ECM1: variants seen among roughly 807,000 people sequenced by gnomAD.
The protein encoded by ECM1 is extracellular matrix protein 1, also known as secretory component p85.
A neutral mutation model predicts 57.9 loss-of-function variants in ECM1; 54 were observed. The observed-to-expected ratio is 0.93, with a 90% CI of 0.75 to 1.17. The LOEUF (loss-of-function observed/expected upper bound fraction) is 1.17, where lower values mean the gene tolerates loss of function less well. ECM1 is among the 50% of genes most tolerant of loss of function. The pLI is 0.00. For synonymous variants in ECM1, 237 were observed against 259.1 expected (o/e 0.91, Z 0.82); for missense variants, 649 against 688.1 (o/e 0.94, Z 0.64).
intron 9 of ECM1, 99 bp downstream of exon 9, chr1:150,512,911 C>G: frequency 7.4e-7 from 1 of 1,360,534 alleles, no homozygotes; most frequent in Non-Finnish European, 1.1e-6. Context: ...TCAAACCAGC[C>G]TTTGGTTATA....
intron 9 of ECM1, 55 bp from the exon 10 acceptor site, chr1:150,513,182 T>G: frequency 6.4e-7 from 1 of 1,568,812 alleles, no homozygotes; most frequent in Non-Finnish European, 8.8e-7. Context: ...TATCTACATC[T>G]GTCCTTGGAC....
At chr1:150,511,391 C>CT in intron 6 of ECM1, 66 bp from the exon 7 acceptor site, 1 of 1,613,074 alleles carries the variant, frequency 6.2e-7, no homozygotes, top group South Asian at 1.1e-5. Context: ...GCCCAGTGTC[C>CT]TTTCCTGGAG....
intron 7 of ECM1, 32 bp downstream of exon 7, chr1:150,511,863 T>C: frequency 6.3e-7 from 1 of 1,575,886 alleles, no homozygotes; most frequent in Non-Finnish European, 8.6e-7. Context: ...CCTGAGAGCC[T>C]GTTTGCCTGC....
intron 3 of ECM1, 58 bp from the exon 4 acceptor site, chr1:150,509,864 C>G (rs587692979): frequency 1.2e-6 from 2 of 1,613,928 alleles, no homozygotes; most frequent in African/African-American, 1.3e-5. Flanking sequence ...CCCTCGCCCC[C>G]ACTCCCAGCC....
In ECM1 at chr1:150,510,987, G is replaced by T; in HGVS notation, c.497G>T (p.Gly166Val). 1 of 1,614,176 alleles carries T rather than the reference G, an allele frequency of 6.2e-7. No individual in the cohort carries two copies. Among genetic ancestry groups the T allele is most frequent in the Non-Finnish European group, 8.5e-7 (1 of 1,180,024 alleles). ...GGGGGCTGGGGCCACCGGCTGGATGGCTTCCCCCCTGGGCGGCCTTCTCCA... is the reference window on the plus strand; with the variant it reads ...GGGGGCTGGGGCCACCGGCTGGATGTCTTCCCCCCTGGGCGGCCTTCTCCA... Reference protein sequence around the residue: ...SQGGWGHRLDGFPPGRPSPDN... With the variant: ...SQGGWGHRLDVFPPGRPSPDN... The change falls in exon 6 of 10, where the codon GGC (glycine) becomes GTC (valine). Residue 166 changes from glycine (G) to valine (V), a missense_variant. Transcript: ENST00000369047.
At position 150,513,090 on chromosome 1, in the gene ECM1, T is replaced by G. The variant is rs12031973; in HGVS notation, c.1393-147T>G. On this transcript the variant is annotated intron_variant, in intron 9 of 9. Coordinates refer to ENST00000369047, the MANE Select transcript of ECM1 (RefSeq NM_004425.4). ...CAAGGAATCCAGCTGTGCAAGGCAG[T>G]CTTGTACTCTCTCTGGGCCCCAGGA... is the stretch of plus-strand genomic sequence containing the variant. The G allele has an allele frequency of 0.59, 506,693 of 857,176 alleles. 153,645 individuals are homozygous for G. Among genetic ancestry groups the G allele is most frequent in the African/African-American group, 0.67 (40,248 of 60,108 alleles). 53.1% of individuals were successfully genotyped at this position (857,176 alleles called of 1,614,324 possible). A position where few individuals can be genotyped will look rare whatever the true frequency, so the allele number is the denominator to read the frequency against.
Position 150,513,743 on chromosome 1 carries a change from T to C in ECM1, c.*276T>C. The C allele has an allele frequency of 2.5e-6, 1 of 393,064 alleles. No individual in the cohort carries two copies. The highest frequency in any genetic ancestry group is 4.7e-6 in the Non-Finnish European group (1 of 211,520). 24.3% of individuals were successfully genotyped at this position (393,064 alleles called of 1,614,324 possible). A position where few individuals can be genotyped will look rare whatever the true frequency, so the allele number is the denominator to read the frequency against. On this transcript the variant is annotated 3_prime_UTR_variant, in exon 10 of 10. Transcript: ENST00000369047. Reference sequence around the variant, plus strand: ...GGCCCTGCCCCCTTCACTGAGCAGATGTTCACAGGCTGTGGGATGCGACCA... The same window carrying C: ...GGCCCTGCCCCCTTCACTGAGCAGACGTTCACAGGCTGTGGGATGCGACCA...
Position 150,512,540 on chromosome 1 carries a change from C to T in ECM1, c.1272C>T (p.His424=). 6.2e-7 allele frequency: 1 copy of T among 1,613,868 alleles called. No homozygotes were observed. The change falls in exon 8 of 10, where the codon CAC becomes CAT. Residue 424 remains histidine (H), a synonymous_variant. Coordinates refer to ENST00000369047, the MANE Select transcript of ECM1 (RefSeq NM_004425.4). ...GAGTCACCCCCAACCTCATGGGCCACCTCTGTGGAAACCAAAGAGTTCTCA... is the reference window on the plus strand; with the variant it reads ...GAGTCACCCCCAACCTCATGGGCCATCTCTGTGGAAACCAAAGAGTTCTCA... The part of the protein sequence containing the change: ...IGRVTPNLMG[H]LCGNQRVLTK...
chr1:150,513,394 C>T lies in ECM1; in HGVS notation c.1550C>T (p.Ala517Val). 5 of 1,614,190 alleles carry T rather than the reference C, an allele frequency of 3.1e-6. No individual in the cohort carries two copies. Among genetic ancestry groups the T allele is most frequent in the Non-Finnish European group, 4.2e-6 (5 of 1,180,016 alleles). ...CTAGTGTCTGGAGACACTGAGAACG[C>T]CAAGGGCCAGGGGGAGCAGGGCTCA... ...VALVSGDTENAKGQGEQGSTG... is the reference protein window; with the variant it reads ...VALVSGDTENVKGQGEQGSTG... Residue 517 changes from alanine (A) to valine (V), a missense_variant, in exon 10 of 10, where the codon GCC (alanine) becomes GTC (valine). Coordinates refer to ENST00000369047, the MANE Select transcript of ECM1 (RefSeq NM_004425.4).
rs1670323378 is a variant in ECM1 at position 150,508,114 on chromosome 1, T to A, written c.-96T>A. On this transcript the variant is annotated 5_prime_UTR_variant, in exon 1 of 10. Coordinates refer to ENST00000369047, the MANE Select transcript of ECM1 (RefSeq NM_004425.4). ...GAGCTGGTCCTGAAGCTCACAACCG[T>A]AACAGCCACCAGACAAGCTTCAGTG... 4.3e-6 allele frequency: 5 copies of A among 1,168,978 alleles called. No homozygotes were observed. The highest frequency in any genetic ancestry group is 6.4e-6 in the Non-Finnish European group (5 of 778,216). 72.4% of individuals were successfully genotyped at this position (1,168,978 alleles called of 1,614,324 possible). A position where few individuals can be genotyped will look rare whatever the true frequency, so the allele number is the denominator to read the frequency against.
At position 150,510,147 on chromosome 1, in the gene ECM1, T is replaced by C. The variant is rs1670399066; in HGVS notation, c.350T>C (p.Leu117Pro). 6.2e-7 allele frequency: 1 copy of C among 1,614,092 alleles called. No homozygotes were observed. The highest frequency in any genetic ancestry group is 8.5e-7 in the Non-Finnish European group (1 of 1,179,976). ...GAAGCTGTCCCCCTCCAAAAAGAGC[T>C]GCCCTCTCTCCAGCACCCCAATGAA... is the stretch of plus-strand genomic sequence containing the variant. Reference protein sequence around the residue: ...PQEAVPLQKELPSLQHPNEQK... With the variant: ...PQEAVPLQKEPPSLQHPNEQK... Residue 117 changes from leucine to proline, a missense_variant, in exon 5 of 10, where the codon CTG (leucine) becomes CCG (proline). Coordinates refer to ENST00000369047, the MANE Select transcript of ECM1 (RefSeq NM_004425.4).
chr1:150,512,233 T>C, intron 7 of ECM1, 119 bp from the exon 8 acceptor site: 1 of 1,169,992 alleles, frequency 8.5e-7, no homozygotes, highest in Non-Finnish European at 1.2e-6. Flanking sequence ...TGCCATTCCC[T>C]TTGGGCCTCT....
At chr1:150,508,622 C>T (rs1455413056) in intron 1 of ECM1, among the ~76,000 whole-genome samples, 1 of 152,042 alleles carries the variant, frequency 6.6e-6, no homozygotes, top group Non-Finnish European at 1.5e-5. Context: ...AAGGGGCCCC[C>T]AGGCTGCTCA....
At chr1:150,510,320 C>T (rs1208144339) in intron 5 of ECM1, 138 bp downstream of exon 5, 1 of 800,622 alleles carries the variant, frequency 1.2e-6, no homozygotes, top group African/African-American at 1.7e-5. Flanking sequence ...CTTCTCCAAG[C>T]CTTTGTTTCT....
At chr1:150,508,511 C>T (rs1376311190) in intron 1 of ECM1, among the ~76,000 whole-genome samples, 1 of 152,182 alleles carries the variant, frequency 6.6e-6, no homozygotes, top group Non-Finnish European at 1.5e-5. Flanking sequence ...CACAGAATCC[C>T]AGTCAAATAG....
At chr1:150,511,908 TC>T in intron 7 of ECM1, 77 bp downstream of exon 7, 1 of 1,490,504 alleles carries the variant, frequency 6.7e-7, no homozygotes, top group African/African-American at 1.7e-5. Context: ...TGCCAGTCCA[TC>T]CATCCATGTA....
chr1:150,511,924 C>T (rs1670456630), intron 7 of ECM1, 93 bp downstream of exon 7: 1 of 1,482,884 alleles, frequency 6.7e-7, no homozygotes, highest in Non-Finnish European at 9.0e-7. Flanking sequence ...CATGTACCCC[C>T]CCTGCTGTGA....
At chr1:150,513,205 C>G (rs1330362869) in intron 9 of ECM1, 32 bp from the exon 10 acceptor site, 1 of 1,608,826 alleles carries the variant, frequency 6.2e-7, no homozygotes, top group Admixed American at 1.7e-5. Flanking sequence ...CCTCCCCACC[C>G]CATCATCTGT....
chr1:150,509,909 C>T lies in ECM1; in HGVS notation c.224-13C>T, dbSNP rs1229198790. On this transcript the variant is annotated splice_polypyrimidine_tract_variant and intron_variant, in intron 3 of 9. Coordinates refer to ENST00000369047, the MANE Select transcript of ECM1 (RefSeq NM_004425.4). ...AGAAAGGGTGGGCTGCTCACACATT[C>T]CCCCTTCTATAGTGCAGCCCCCTCC... 1.9e-6 allele frequency: 3 copies of T among 1,614,080 alleles called. No individual in the cohort carries two copies. In the Admixed American group the frequency reaches 5.0e-5, roughly 27 times the overall value.
Sources: gnomAD v4.1 joint callset for allele counts (sites outside exome capture counted in the v4.1 genomes callset) on GRCh38, gnomAD v4.1.1 for gene constraint, MANE v1.5 for transcripts, NCBI Gene and HGNC (gene_info 2026-07-23, HGNC 2026-07-21) for gene names.